AUH: variants seen among roughly 807,000 people sequenced by gnomAD.
The protein encoded by AUH is methylglutaconyl-CoA hydratase, mitochondrial.
Under a neutral mutation model 42.3 loss-of-function variants are expected in AUH, and 29 were observed. The observed-to-expected ratio is 0.69, with a 90% CI of 0.51 to 0.93. The LOEUF (loss-of-function observed/expected upper bound fraction) is 0.93, where lower values mean the gene tolerates loss of function less well. AUH is among the 40% of genes least tolerant of loss of function. The probability of loss-of-function intolerance (pLI) is 0.00; values close to 1 mark genes in which losing one functional copy is unlikely to be tolerated. For synonymous variants in AUH, 174 were observed against 166.4 expected (o/e 1.05, Z -0.35); for missense variants, 452 against 438.1 (o/e 1.03, Z -0.28).
intron 3 of AUH, among the ~76,000 whole-genome samples, chr9:91,336,535 C>T (rs1830702138): frequency 6.6e-6 from 1 of 151,732 alleles, no homozygotes; most frequent in Non-Finnish European, 1.5e-5. Flanking sequence ...GAGGCTGAGG[C>T]ACGAGAATCA....
chr9:91,267,099 T>C (rs16907328), intron 6 of AUH, among the ~76,000 whole-genome samples: 6,348 of 152,236 alleles, frequency 0.042, 412 homozygotes, highest in African/African-American at 0.14. Flanking sequence ...AGATGCATCA[T>C]TGAAACTTAG....
At chr9:91,299,005 G>C (rs902310843) in intron 4 of AUH, among the ~76,000 whole-genome samples, 2 of 152,142 alleles carry the variant, frequency 1.3e-5, no homozygotes, top group African/African-American at 2.4e-5. Flanking sequence ...GATCACCTGA[G>C]GTCAGGAGTT....
chr9:91,284,977 T>C (rs898272125), intron 6 of AUH, among the ~76,000 whole-genome samples: 1 of 152,206 alleles, frequency 6.6e-6, no homozygotes, highest in Non-Finnish European at 1.5e-5. Flanking sequence ...CCCAAAGGAT[T>C]ATAAATCATG....
intron 6 of AUH, among the ~76,000 whole-genome samples, chr9:91,238,189 T>C (rs141347615): frequency 1.2e-3 from 186 of 152,336 alleles, no homozygotes; most frequent in African/African-American, 3.9e-3. Flanking sequence ...ATGACCACTG[T>C]TAGAAACCAG....
chr9:91,286,438 TAGTC>T (rs774373218), intron 6 of AUH, among the ~76,000 whole-genome samples: 22 of 152,084 alleles, frequency 1.4e-4, no homozygotes, highest in South Asian at 4.1e-4. Context: ...AATTTGGAAA[TAGTC>T]AGCCAATGGT....
At chr9:91,317,231 T>G (rs1474858010) in intron 4 of AUH, among the ~76,000 whole-genome samples, 3 of 152,194 alleles carry the variant, frequency 2.0e-5, no homozygotes, top group Admixed American at 6.5e-5. Flanking sequence ...TTTTTGCTCA[T>G]CAAGTCCCTC....
intron 3 of AUH, among the ~76,000 whole-genome samples, chr9:91,327,099 A>G (rs1830013153): frequency 6.6e-6 from 1 of 152,048 alleles, no homozygotes; most frequent in African/African-American, 2.4e-5. Flanking sequence ...CCTCCTATCA[A>G]TCCTACGAAA....
chr9:91,224,927 T>G (rs1379540158), intron 6 of AUH, among the ~76,000 whole-genome samples: 1 of 152,220 alleles, frequency 6.6e-6, no homozygotes, highest in Non-Finnish European at 1.5e-5. Context: ...TTACTAATGA[T>G]ACTATGAGCA....
chr9:91,269,206 C>A (rs1008034988), intron 6 of AUH, among the ~76,000 whole-genome samples: 1 of 152,126 alleles, frequency 6.6e-6, no homozygotes, highest in African/African-American at 2.4e-5. Context: ...GTCTCGAACT[C>A]CTGACCTCGT....
At chr9:91,216,271 G>A (rs1216939826) in intron 8 of AUH, among the ~76,000 whole-genome samples, 165 bp from the exon 9 acceptor site, 1 of 152,164 alleles carries the variant, frequency 6.6e-6, no homozygotes, top group African/African-American at 2.4e-5. Flanking sequence ...CAGGCTTCCT[G>A]GGTTCGTCCT....
intron 6 of AUH, among the ~76,000 whole-genome samples, chr9:91,292,598 T>G (rs1827002230): frequency 6.6e-6 from 1 of 151,860 alleles, no homozygotes; most frequent in African/African-American, 2.4e-5. Context: ...CTTCTTCCAC[T>G]TGGGGTTTCA....
chr9:91,245,808 C>T (rs1007992076), intron 6 of AUH, among the ~76,000 whole-genome samples: 1 of 152,180 alleles, frequency 6.6e-6, no homozygotes, highest in African/African-American at 2.4e-5. Context: ...GGAGCCTGCT[C>T]TGGCCCTCTC....
At chr9:91,248,701 T>C (rs879490891) in intron 6 of AUH, among the ~76,000 whole-genome samples, 3 of 152,226 alleles carry the variant, frequency 2.0e-5, no homozygotes, top group African/African-American at 4.8e-5. Context: ...TGTTGGTTCC[T>C]GGAAACTGGG....
intron 6 of AUH, among the ~76,000 whole-genome samples, chr9:91,280,875 G>A (rs1825904639): frequency 6.6e-6 from 1 of 152,058 alleles, no homozygotes; most frequent in Non-Finnish European, 1.5e-5. Context: ...ATTATTTTCT[G>A]CACATGGAAG....
chr9:91,269,043 C>A (rs183717179), intron 6 of AUH, among the ~76,000 whole-genome samples: 6 of 151,918 alleles, frequency 3.9e-5, no homozygotes, highest in Admixed American at 6.6e-5. Context: ...CACAGTGGTG[C>A]GATCTTGGCT....
chr9:91,320,437 C>G (rs1401271028), intron 4 of AUH, among the ~76,000 whole-genome samples: 1 of 152,250 alleles, frequency 6.6e-6, no homozygotes, highest in African/African-American at 2.4e-5. Context: ...ACCACTCATA[C>G]ACTGCCCAGT....
At chr9:91,293,702 A>C (rs1237615847) in intron 6 of AUH, among the ~76,000 whole-genome samples, 1 of 152,234 alleles carries the variant, frequency 6.6e-6, no homozygotes, top group Non-Finnish European at 1.5e-5. Flanking sequence ...CTGATGTAGA[A>C]GCTGCAGCAA....
chr9:91,305,627 A>G (rs1478717708), intron 4 of AUH, among the ~76,000 whole-genome samples: 3 of 152,120 alleles, frequency 2.0e-5, no homozygotes, highest in African/African-American at 4.8e-5. Flanking sequence ...CTACCTTTCT[A>G]TATATACGCT....
At chr9:91,239,084 T>C (rs1211067852) in intron 6 of AUH, among the ~76,000 whole-genome samples, 1 of 152,168 alleles carries the variant, frequency 6.6e-6, no homozygotes, top group Non-Finnish European at 1.5e-5. Context: ...GAACTGACCA[T>C]ACCTTATGAC....
Sources: gnomAD v4.1 joint callset for allele counts (sites outside exome capture counted in the v4.1 genomes callset) on GRCh38, gnomAD v4.1.1 for gene constraint, MANE v1.5 for transcripts, NCBI Gene and HGNC (gene_info 2026-07-23, HGNC 2026-07-21) for gene names.